The following GRXCR1 variants were observed in gnomAD, a reference collection of about 807,000 sequenced individuals.
GRXCR1 encodes the protein glutaredoxin and cysteine rich domain containing 1.
Under a neutral mutation model 27.3 loss-of-function variants are expected in GRXCR1, and 27 were observed. That is an observed-to-expected ratio of 0.99 (90% confidence interval 0.73 to 1.37). The LOEUF is 1.37. Among genes scored for constraint, GRXCR1 ranks in the 40% most tolerant of loss-of-function variants. GRXCR1 has a pLI of 0.00. For missense variants in GRXCR1, 379 were observed against 354.4 expected, an observed-to-expected ratio of 1.07 and a Z score of -0.56; for synonymous variants, 122 against 131.1, an observed-to-expected ratio of 0.93 and a Z score of 0.47.
intron 2 of GRXCR1, among the ~76,000 whole-genome samples, chr4:42,988,706 G>T (rs1039934934): frequency 5.9e-5 from 9 of 152,128 alleles, no homozygotes; most frequent in Non-Finnish European, 1.0e-4. Context: ...TGTGCTGGCT[G>T]GTCCCTTTGG....
chr4:42,947,764 T>C (rs1747782445), intron 1 of GRXCR1, among the ~76,000 whole-genome samples: 1 of 152,216 alleles, frequency 6.6e-6, no homozygotes, highest in Admixed American at 6.5e-5. Flanking sequence ...GATAATGATA[T>C]AGCAATCAAT....
At chr4:42,930,959 A>G (rs1331410925) in intron 1 of GRXCR1, among the ~76,000 whole-genome samples, 2 of 152,130 alleles carry the variant, frequency 1.3e-5, no homozygotes, top group African/African-American at 2.4e-5. Context: ...GCAAACAGCC[A>G]GTAGGATTAG....
chr4:42,902,552 C>T (rs957515893), intron 1 of GRXCR1, among the ~76,000 whole-genome samples: 4 of 152,096 alleles, frequency 2.6e-5, no homozygotes, highest in African/African-American at 7.2e-5. Flanking sequence ...AGATAGATTC[C>T]ATGTCTTTGC....
At chr4:43,023,387 G>T (rs1334148717) in intron 3 of GRXCR1, among the ~76,000 whole-genome samples, 2 of 152,190 alleles carry the variant, frequency 1.3e-5, no homozygotes, top group Non-Finnish European at 2.9e-5. Flanking sequence ...CAGAAATGGA[G>T]TCAGAAAATA....
chr4:43,010,994 G>A (rs938616650), intron 2 of GRXCR1, among the ~76,000 whole-genome samples: 3 of 152,264 alleles, frequency 2.0e-5, no homozygotes, highest in Admixed American at 6.5e-5. Context: ...GCTAATAAGT[G>A]GAGGAGACAG....
At chr4:43,027,889 C>T (rs933124519) in intron 3 of GRXCR1, among the ~76,000 whole-genome samples, 12 of 152,050 alleles carry the variant, frequency 7.9e-5, no homozygotes, top group Non-Finnish European at 1.5e-4. Context: ...GTGGGTGGAT[C>T]ACTTGAGTTA....
At chr4:42,982,136 T>C (rs1748686934) in intron 2 of GRXCR1, among the ~76,000 whole-genome samples, 1 of 151,928 alleles carries the variant, frequency 6.6e-6, no homozygotes, top group Non-Finnish European at 1.5e-5. Context: ...ACATGTGCCA[T>C]GCTGGTGCGC....
intron 1 of GRXCR1, among the ~76,000 whole-genome samples, chr4:42,932,619 T>TATATAGAGAG (rs1249820617): frequency 1.3e-4 from 3 of 22,920 alleles, no homozygotes; most frequent in Admixed American, 7.0e-4. Flanking sequence ...TATATATATA[T>TATATAGAGAG]AGAGAGAGAG....
chr4:43,015,211 C>T (rs1196009698), intron 2 of GRXCR1, among the ~76,000 whole-genome samples: 1 of 152,024 alleles, frequency 6.6e-6, no homozygotes, highest in Non-Finnish European at 1.5e-5. Context: ...AATATTGGTG[C>T]AATCAAATAG....
At chr4:42,985,175 A>G (rs1249223294) in intron 2 of GRXCR1, among the ~76,000 whole-genome samples, 1 of 152,078 alleles carries the variant, frequency 6.6e-6, no homozygotes, top group Non-Finnish European at 1.5e-5. Context: ...TAATTGTTCA[A>G]ATTGATATTT....
intron 1 of GRXCR1, among the ~76,000 whole-genome samples, chr4:42,943,352 C>T (rs1309225196): frequency 6.6e-6 from 1 of 152,068 alleles, no homozygotes; most frequent in East Asian, 1.9e-4. Context: ...TGTGCCCACC[C>T]AGCTAGTTTA....
chr4:42,911,503 C>G lies in GRXCR1; in HGVS notation c.384+17853C>G, dbSNP rs552963293. Among the ~76,000 whole-genome samples, 29 of 151,996 alleles carry G rather than the reference C, an allele frequency of 1.9e-4. No homozygotes were observed. The East Asian group carries it at 5.6e-3, about 29-fold the overall frequency. On this transcript the variant is annotated intron_variant, in intron 1 of 3. Coordinates refer to ENST00000399770, the MANE Select transcript of GRXCR1 (RefSeq NM_001080476.3). ...AATATTGCAAGATAGTATGGGTGAA[C>G]AGGAAAATAAGTAGCAGAAAATATA...
Position 42,893,135 on chromosome 4 carries a change from C to T in GRXCR1, c.-132C>T, listed in dbSNP as rs1746270011. ...CTGTAAGTCCTTGGGAATCTTCTTT[C>T]CTTTTGATGTTAGTTTCACAGGAGT... On this transcript the variant is annotated 5_prime_UTR_variant, in exon 1 of 4. Coordinates refer to ENST00000399770, the MANE Select transcript of GRXCR1 (RefSeq NM_001080476.3). The T allele has an allele frequency of 1.1e-6, 1 of 951,614 alleles. No homozygotes were observed. The highest frequency in any genetic ancestry group is 1.7e-5 in the Admixed American group (1 of 57,360). The allele number at this position is 951,614 out of a possible 1,614,324, so 58.9% of individuals were successfully genotyped here.
At position 42,904,804 on chromosome 4, in the gene GRXCR1, T is replaced by G. The variant is rs182195232; in HGVS notation, c.384+11154T>G. On this transcript the variant is annotated intron_variant, in intron 1 of 3. Transcript: ENST00000399770. ...GATGAAAAAAGCATGATTTCAGTCCTCAGAGAATCTAATTCTTTCTTATGA... is the reference window on the plus strand; with the variant it reads ...GATGAAAAAAGCATGATTTCAGTCCGCAGAGAATCTAATTCTTTCTTATGA... 1.1e-4 allele frequency among the ~76,000 whole-genome samples: 17 copies of G among 152,294 alleles called. No homozygotes were observed. The East Asian group carries it at 2.9e-3, about 26-fold the overall frequency.
intron 1 of GRXCR1, among the ~76,000 whole-genome samples, chr4:42,907,176 C>T (rs1746615492): frequency 6.6e-6 from 1 of 152,276 alleles, no homozygotes; most frequent in East Asian, 1.9e-4. Flanking sequence ...TGTATTTGGC[C>T]TCACCTGTCT....
In GRXCR1 at chr4:42,958,964, T is replaced by C. The variant is rs545364762; in HGVS notation, c.385-3928T>C. Among the ~76,000 whole-genome samples, 6 of 152,068 alleles carry C rather than the reference T, an allele frequency of 3.9e-5. No homozygotes were observed. The South Asian group carries it at 1.2e-3, about 32-fold the overall frequency. On this transcript the variant is annotated intron_variant, in intron 1 of 3. Transcript: ENST00000399770. The stretch of plus-strand genomic sequence containing the variant: ...TGAAGAAAAGGGAACAATCATACAC[T>C]GTTGGTGGGAAGTAGATTACTGTAG...
At chr4:42,976,563 A>C (rs1748527668) in intron 2 of GRXCR1, among the ~76,000 whole-genome samples, 1 of 151,974 alleles carries the variant, frequency 6.6e-6, no homozygotes, top group African/African-American at 2.4e-5. Context: ...CAGGTTAATA[A>C]ATACAACTTT....
intron 2 of GRXCR1, among the ~76,000 whole-genome samples, chr4:42,973,597 C>G (rs967177762): frequency 6.6e-6 from 1 of 152,002 alleles, no homozygotes; most frequent in Non-Finnish European, 1.5e-5. Flanking sequence ...TTCTTTGACT[C>G]CACCTACTTT....
At chr4:42,905,540 T>C (rs1256392237) in intron 1 of GRXCR1, among the ~76,000 whole-genome samples, 1 of 152,212 alleles carries the variant, frequency 6.6e-6, no homozygotes, top group East Asian at 1.9e-4. Context: ...CTGAGTTTTT[T>C]TCGTGGCTTT....
Sources: allele counts gnomAD v4.1 joint callset (sites outside exome capture counted in the v4.1 genomes callset), GRCh38; gene constraint gnomAD v4.1.1; transcripts MANE v1.5; gene names NCBI Gene and HGNC (gene_info 2026-07-23, HGNC 2026-07-21).